Variants in ADK observed in about 807,000 individuals in gnomAD.
ADK encodes N6,N6-dimethyladenosine kinase.
ADK carries 24 observed loss-of-function variants against 44.7 expected under a neutral mutation model. The ratio of observed to expected loss-of-function variants is 0.54; its 90% CI spans 0.39 to 0.76. ADK has a LOEUF of 0.76. Ranked by LOEUF, ADK falls within the 30% of genes least tolerant of loss-of-function variation. The pLI, the probability that ADK is intolerant of heterozygous loss-of-function variation, is 0.00. For synonymous variants in ADK, 128 were observed against 142.6 expected (o/e 0.90, Z 0.73); for missense variants, 321 against 425.1 (o/e 0.76, Z 2.15).
chr10:74,228,827 C>T (rs1455970833), intron 3 of ADK, among the ~76,000 whole-genome samples: 1 of 151,896 alleles, frequency 6.6e-6, no homozygotes, highest in East Asian at 1.9e-4. Flanking sequence ...ATTCCAAATG[C>T]AAATATAAAT....
chr10:74,162,733 AG>A (rs1198686775), intron 1 of ADK, among the ~76,000 whole-genome samples: 1 of 149,808 alleles, frequency 6.7e-6, no homozygotes, highest in Admixed American at 6.6e-5. Flanking sequence ...TTGTGTTTTT[AG>A]GTTTCACCAT....
chr10:74,224,619 A>G (rs1421215843), intron 3 of ADK, 28 bp downstream of exon 3: 39 of 1,583,706 alleles, frequency 2.5e-5, no homozygotes, highest in Non-Finnish European at 3.4e-5. Context: ...TTGGTTGTAA[A>G]TAGTTTACTC....
intron 6 of ADK, among the ~76,000 whole-genome samples, chr10:74,458,026 A>G (rs918661977): frequency 1.3e-5 from 2 of 152,134 alleles, no homozygotes; most frequent in Admixed American, 6.5e-5. Context: ...TTAAAAAATA[A>G]TAATAAAATT....
intron 3 of ADK, among the ~76,000 whole-genome samples, chr10:74,224,903 C>G (rs1014684102): frequency 1.3e-5 from 2 of 152,098 alleles, no homozygotes; most frequent in African/African-American, 4.8e-5. Context: ...TTCCTATTTT[C>G]TTTCTGACTG....
chr10:74,499,460 G>A lies in ADK; in HGVS notation c.556-25796G>A, dbSNP rs890706084. 2.6e-5 allele frequency among the ~76,000 whole-genome samples: 4 copies of A among 152,234 alleles called. No individual in the cohort carries two copies. The East Asian group carries it at 5.8e-4, about 22-fold the overall frequency. On this transcript the variant is annotated intron_variant, in intron 6 of 10. Coordinates refer to ENST00000539909, the MANE Select transcript of ADK (RefSeq NM_006721.4). Reference sequence around the variant, plus strand: ...TCCCAGCACTTTGGGAGGCCGAGGCGGGTGGATCACGAGGTCAGGAGATCG... The same window carrying A: ...TCCCAGCACTTTGGGAGGCCGAGGCAGGTGGATCACGAGGTCAGGAGATCG...
chr10:74,261,200 C>CAAATTAAACAAA (rs1846024020), intron 3 of ADK, among the ~76,000 whole-genome samples: 1 of 152,156 alleles, frequency 6.6e-6, no homozygotes, highest in Non-Finnish European at 1.5e-5. Context: ...TTTGGTCCCC[C>CAAATTAAACAAA]TTTCCCACCA....
intron 7 of ADK, among the ~76,000 whole-genome samples, chr10:74,538,598 G>T (rs1849531823): frequency 6.6e-6 from 1 of 152,108 alleles, no homozygotes; most frequent in Non-Finnish European, 1.5e-5. Context: ...AGGACATTTT[G>T]AAAGAAAATA....
chr10:74,193,936 A>C (rs1423963492), intron 1 of ADK, among the ~76,000 whole-genome samples: 1 of 152,176 alleles, frequency 6.6e-6, no homozygotes, highest in African/African-American at 2.4e-5. Flanking sequence ...GATAAAGTTC[A>C]AAGCAACCCC....
chr10:74,231,063 A>G (rs1386432499), intron 3 of ADK, among the ~76,000 whole-genome samples: 2 of 152,292 alleles, frequency 1.3e-5, no homozygotes, highest in East Asian at 3.9e-4. Flanking sequence ...TAGTTAATTA[A>G]ATCAGTTTCA....
intron 3 of ADK, among the ~76,000 whole-genome samples, chr10:74,248,673 T>A (rs1379239358): frequency 1.3e-5 from 2 of 152,144 alleles, no homozygotes; most frequent in Non-Finnish European, 2.9e-5. Context: ...TTTTATTAAG[T>A]GTTTGAGTAT....
chr10:74,648,174 A>G (rs753524500), intron 9 of ADK, among the ~76,000 whole-genome samples: 2 of 152,128 alleles, frequency 1.3e-5, no homozygotes, highest in Non-Finnish European at 2.9e-5. Flanking sequence ...AGGAGAAATT[A>G]AGACATTTCC....
chr10:74,315,728 C>T (rs530364832), intron 4 of ADK, among the ~76,000 whole-genome samples: 17 of 152,288 alleles, frequency 1.1e-4, no homozygotes, highest in Non-Finnish European at 2.2e-4. Context: ...GATTTCTTTT[C>T]AAGTAACTCT....
At chr10:74,586,305 C>T (rs1443141774) in intron 7 of ADK, among the ~76,000 whole-genome samples, 1 of 152,150 alleles carries the variant, frequency 6.6e-6, no homozygotes, top group African/African-American at 2.4e-5. Flanking sequence ...CACAGAACAA[C>T]AAGCTTAGCT....
chr10:74,373,054 T>C (rs1408984194), intron 4 of ADK, among the ~76,000 whole-genome samples: 1 of 151,914 alleles, frequency 6.6e-6, no homozygotes, highest in Non-Finnish European at 1.5e-5. Flanking sequence ...TGTCTTTCTA[T>C]AAGTGTGCCA....
intron 6 of ADK, among the ~76,000 whole-genome samples, chr10:74,489,450 T>C (rs754915432): frequency 2.6e-5 from 4 of 151,946 alleles, no homozygotes; most frequent in Non-Finnish European, 4.4e-5. Context: ...AGGATACAGA[T>C]GCATGTAGTA....
At chr10:74,547,229 G>T (rs976435130) in intron 7 of ADK, among the ~76,000 whole-genome samples, 2 of 151,858 alleles carry the variant, frequency 1.3e-5, no homozygotes, top group Non-Finnish European at 2.9e-5. Context: ...GCTGTCCCAA[G>T]AATGTTCTTT....
At chr10:74,551,132 C>T (rs924716975) in intron 7 of ADK, among the ~76,000 whole-genome samples, 2 of 152,178 alleles carry the variant, frequency 1.3e-5, no homozygotes, top group East Asian at 3.8e-4. Flanking sequence ...CAGACCCACA[C>T]ACATACAGTC....
intron 3 of ADK, among the ~76,000 whole-genome samples, chr10:74,225,316 G>T (rs988826103): frequency 4.6e-5 from 7 of 152,234 alleles, no homozygotes; most frequent in Middle Eastern, 3.4e-3. Flanking sequence ...GACCTCAGGT[G>T]ATCTGCCTGC....
At chr10:74,210,258 G>GT in intron 2 of ADK, among the ~76,000 whole-genome samples, 1 of 150,722 alleles carries the variant, frequency 6.6e-6, no homozygotes. Context: ...GAACCCAGGA[G>GT]CGGAGGTTGC....
Sources: gnomAD v4.1 joint callset for allele counts (sites outside exome capture counted in the v4.1 genomes callset) on GRCh38, gnomAD v4.1.1 for gene constraint, MANE v1.5 for transcripts, NCBI Gene and HGNC (gene_info 2026-07-23, HGNC 2026-07-21) for gene names.